The following MUSK variants were observed in gnomAD, a reference collection of about 807,000 sequenced individuals.
MUSK encodes the protein muscle associated receptor tyrosine kinase, also known as muscle, skeletal receptor tyrosine-protein kinase.
In MUSK, 55 loss-of-function variants were observed where a neutral mutation model predicts 88.7. The ratio of observed to expected loss-of-function variants is 0.62; its 90% CI spans 0.50 to 0.78. The LOEUF (loss-of-function observed/expected upper bound fraction) is 0.78. Among genes scored for constraint, MUSK ranks in the 30% least tolerant of loss-of-function variants. MUSK has a pLI of 0.00. For missense variants in MUSK, 1,015 were observed against 1,074.3 expected, an observed-to-expected ratio of 0.94 and a Z score of 0.77; for synonymous variants, 387 against 391.9, an observed-to-expected ratio of 0.99 and a Z score of 0.15.
At position 110,759,870 on chromosome 9, in the gene MUSK, T is replaced by C. The variant is rs146876982; in HGVS notation, c.914-2332T>C. On this transcript the variant is annotated intron_variant, in intron 7 of 14. Transcript: ENST00000374448. ...GGACAACATGGCAAAACCTCGTCTCTACTAGAAATCCAAAAGTTAGCCAGG... is the reference window on the plus strand; with the variant it reads ...GGACAACATGGCAAAACCTCGTCTCCACTAGAAATCCAAAAGTTAGCCAGG... Among the ~76,000 whole-genome samples, 9 of 152,244 alleles carry C rather than the reference T, an allele frequency of 5.9e-5. No homozygotes were observed. The East Asian group carries it at 1.7e-3, about 29-fold the overall frequency.
At chr9:110,695,574 A>T (rs545230690) in intron 4 of MUSK, 44 bp downstream of exon 4, 1 of 1,440,906 alleles carries the variant, frequency 6.9e-7, no homozygotes, top group African/African-American at 1.4e-5. Context: ...AATGTATTTT[A>T]AAATATAACA....
chr9:110,803,100 T>G lies in MUSK; in HGVS notation c.*2112T>G, dbSNP rs934268565. Among the ~76,000 whole-genome samples, 18 of 152,234 alleles carry G rather than the reference T, an allele frequency of 1.2e-4. No individual in the cohort carries two copies. The highest frequency in any genetic ancestry group is 1.9e-4 in the Non-Finnish European group (13 of 68,038). On this transcript the variant is annotated 3_prime_UTR_variant, in exon 15 of 15. Transcript: ENST00000374448. ...CAAAATTCAAAGACAGCTTCGGGCT[T>G]TCTCCGCTGATAAAGTTTTGTTGTA...
Position 110,787,784 on chromosome 9 carries a change from A to T in MUSK, c.1873A>T (p.Arg625Trp). 1 of 1,613,768 alleles carries T rather than the reference A, an allele frequency of 6.2e-7. No homozygotes were observed. Among genetic ancestry groups the T allele is most frequent in the Non-Finnish European group, 8.5e-7 (1 of 1,179,770 alleles). ...ASADMQADFQ[R>W]EAALMAEFDN... ...GGCAGATATGCAAGCGGACTTTCAG[A>T]GGGAGGCAGCCCTCATGGCAGAATT... is the stretch of plus-strand genomic sequence containing the variant. The change falls in exon 14 of 15, where the codon AGG becomes TGG. Residue 625 changes from arginine (R) to tryptophan (W), a missense_variant. Coordinates refer to ENST00000374448, the MANE Select transcript of MUSK (RefSeq NM_005592.4).
intron 5 of MUSK, among the ~76,000 whole-genome samples, chr9:110,700,211 G>T (rs887041459): frequency 1.3e-5 from 2 of 152,154 alleles, no homozygotes; most frequent in African/African-American, 2.4e-5. Flanking sequence ...TTCCATTGAG[G>T]CTAAATGTTT....
chr9:110,749,652 G>A (rs538413266), intron 7 of MUSK, among the ~76,000 whole-genome samples: 1 of 152,304 alleles, frequency 6.6e-6, no homozygotes, highest in South Asian at 2.1e-4. Context: ...TGAGAAGTGC[G>A]GCAAGCTGTC....
chr9:110,790,450 C>A (rs1413765032), intron 14 of MUSK, among the ~76,000 whole-genome samples: 2 of 152,064 alleles, frequency 1.3e-5, no homozygotes, highest in Non-Finnish European at 2.9e-5. Flanking sequence ...GAGAATGATC[C>A]CGTAAAGAGA....
intron 3 of MUSK, among the ~76,000 whole-genome samples, chr9:110,694,442 G>A (rs1415303501): frequency 6.8e-6 from 1 of 147,370 alleles, no homozygotes; most frequent in Non-Finnish European, 1.5e-5. Context: ...TGAAGGCTTT[G>A]CAAGTATCTC....
At chr9:110,772,467 A>C (rs945135604) in intron 9 of MUSK, among the ~76,000 whole-genome samples, 2 of 151,874 alleles carry the variant, frequency 1.3e-5, no homozygotes, top group Non-Finnish European at 2.9e-5. Context: ...GTTATTTTTT[A>C]AAATCCTCAT....
chr9:110,721,319 A>G (rs1329745609), intron 5 of MUSK, among the ~76,000 whole-genome samples: 1 of 152,150 alleles, frequency 6.6e-6, no homozygotes, highest in Non-Finnish European at 1.5e-5. Context: ...TGCTGATGAT[A>G]TAATCTTATA....
At chr9:110,755,951 C>CATATATAT (rs1564268679) in intron 7 of MUSK, among the ~76,000 whole-genome samples, 24 of 101,768 alleles carry the variant, frequency 2.4e-4, no homozygotes, top group African/African-American at 9.3e-4. Context: ...TATATATATA[C>CATATATAT]ACATATATAT....
intron 14 of MUSK, among the ~76,000 whole-genome samples, chr9:110,788,652 A>C (rs1382233447): frequency 1.3e-5 from 2 of 152,184 alleles, no homozygotes; most frequent in African/African-American, 4.8e-5. Flanking sequence ...AGAAAAAAAA[A>C]ATCTGTGCTC....
chr9:110,729,326 T>TAAA (rs34882321), intron 5 of MUSK, among the ~76,000 whole-genome samples: 16 of 97,430 alleles, frequency 1.6e-4, no homozygotes, highest in African/African-American at 4.7e-4. Flanking sequence ...CTGTTTTCTG[T>TAAA]AAAAAAAAAA....
intron 8 of MUSK, among the ~76,000 whole-genome samples, chr9:110,764,267 G>T (rs1046076697): frequency 6.6e-6 from 1 of 152,176 alleles, no homozygotes; most frequent in African/African-American, 2.4e-5. Context: ...TGCAGGCAGA[G>T]AAACACAACT....
At chr9:110,769,314 T>C (rs2077532041) in intron 9 of MUSK, among the ~76,000 whole-genome samples, 1 of 152,176 alleles carries the variant, frequency 6.6e-6, no homozygotes, top group Non-Finnish European at 1.5e-5. Flanking sequence ...TTTGTATTCC[T>C]CAATTTACTG....
At chr9:110,746,987 T>C (rs1330435232) in intron 6 of MUSK, among the ~76,000 whole-genome samples, 4 of 152,108 alleles carry the variant, frequency 2.6e-5, no homozygotes, top group African/African-American at 9.7e-5. Context: ...TGAAGACATA[T>C]ATCAGAGGAT....
At chr9:110,676,993 C>G in intron 1 of MUSK, among the ~76,000 whole-genome samples, 1 of 152,168 alleles carries the variant, frequency 6.6e-6, no homozygotes, top group African/African-American at 2.4e-5. Context: ...TCCATCTTGT[C>G]CTCCTTCTCC....
intron 11 of MUSK, among the ~76,000 whole-genome samples, chr9:110,781,568 TC>T (rs200146693): frequency 0.013 from 2,034 of 152,224 alleles, 25 homozygotes; most frequent in Non-Finnish European, 0.018. Flanking sequence ...GAGCTACTGC[TC>T]CCAGCCCACA....
intron 5 of MUSK, among the ~76,000 whole-genome samples, chr9:110,733,736 A>T (rs1325226750): frequency 6.6e-6 from 1 of 152,132 alleles, no homozygotes; most frequent in Admixed American, 6.6e-5. Flanking sequence ...ACAATACAGC[A>T]GTCAACGAAA....
intron 5 of MUSK, among the ~76,000 whole-genome samples, chr9:110,722,123 T>C (rs935100456): frequency 6.6e-6 from 1 of 152,146 alleles, no homozygotes; most frequent in African/African-American, 2.4e-5. Context: ...ATTGAAGACC[T>C]GGAACCATAA....
Sources: allele counts gnomAD v4.1 joint callset (sites outside exome capture counted in the v4.1 genomes callset), GRCh38; gene constraint gnomAD v4.1.1; transcripts MANE v1.5; gene names NCBI Gene and HGNC (gene_info 2026-07-23, HGNC 2026-07-21).